MYO10: variants seen among roughly 807,000 people sequenced by gnomAD.
MYO10 encodes the protein unconventional myosin-X.
In MYO10, 133 loss-of-function variants were observed where a neutral mutation model predicts 257.3. The observed-to-expected ratio is 0.52, with a 90% CI of 0.45 to 0.60. The LOEUF is 0.60. Ranked by LOEUF, MYO10 falls within the 20% of genes least tolerant of loss-of-function variation. The pLI, the probability that MYO10 is intolerant of heterozygous loss-of-function variation, is 0.00. For missense variants in MYO10, 2,399 were observed against 2,635.7 expected, an observed-to-expected ratio of 0.91 and a Z score of 1.97; for synonymous variants, 1,104 against 1,028.6, an observed-to-expected ratio of 1.07 and a Z score of -1.40.
rs145953976 is a variant in MYO10 at position 16,696,011 on chromosome 5, T to TG, written c.3557-1398dup. Among the ~76,000 whole-genome samples the TG allele has an allele frequency of 9.9e-3, 1,507 of 152,356 alleles. 22 individuals are homozygous for TG. Among genetic ancestry groups the TG allele is most frequent in the African/African-American group, 0.034 (1,403 of 41,588 alleles). On this transcript the variant is annotated intron_variant, in intron 26 of 40. Coordinates refer to ENST00000513610, the MANE Select transcript of MYO10 (RefSeq NM_012334.3). ...AGTGTTTTGATTTGTGACTTTAATC[T>TG]GGGTTTCTCAAAACAAGCCTGGAGG...
rs111910542 is a variant in MYO10 at position 16,769,177 on chromosome 5, G to C, written c.957C>G (p.Ser319Arg). Residue 319 changes from serine (S) to arginine (R), a missense_variant, in exon 10 of 41, where the codon AGC (serine) becomes AGG (arginine). Transcript: ENST00000513610. ...TCGACACTTCCCGAACTTCCTCCTT[G>C]CTGAACTGCATCACGTCCATTGCCG... is the stretch of plus-strand genomic sequence containing the variant. ...VITAMDVMQFSKEEVREVSRL... is the reference protein window; with the variant it reads ...VITAMDVMQFRKEEVREVSRL... 1.2e-3 allele frequency: 1,923 copies of C among 1,611,146 alleles called. 2 individuals are homozygous for C. Among genetic ancestry groups the C allele is most frequent in the Non-Finnish European group, 1.3e-3 (1,560 of 1,178,894 alleles).
At chr5:16,820,832 ATACT>A (rs1235392090) in intron 2 of MYO10, among the ~76,000 whole-genome samples, 83 of 151,078 alleles carry the variant, frequency 5.5e-4, no homozygotes, top group African/African-American at 2.0e-3. Context: ...TAATATACAC[ATACT>A]TATTACATAT....
chr5:16,836,406 G>A (rs1391657600), intron 2 of MYO10, among the ~76,000 whole-genome samples: 1 of 152,172 alleles, frequency 6.6e-6, no homozygotes, highest in African/African-American at 2.4e-5. Context: ...ACCTCCAGTG[G>A]TTTGCATCTT....
intron 3 of MYO10, among the ~76,000 whole-genome samples, chr5:16,814,282 C>T (rs1367373197): frequency 6.6e-6 from 1 of 152,120 alleles, no homozygotes; most frequent in Non-Finnish European, 1.5e-5. Flanking sequence ...CCTAGGACTA[C>T]AGGCGCCCGC....
intron 11 of MYO10, among the ~76,000 whole-genome samples, chr5:16,764,720 G>C (rs1208596655): frequency 1.3e-5 from 2 of 152,040 alleles, no homozygotes; most frequent in Non-Finnish European, 2.9e-5. Flanking sequence ...ACGGAGTCTA[G>C]CTCTGTCACC....
Position 16,771,119 on chromosome 5 carries a change from A to G in MYO10, c.931-1916T>C, listed in dbSNP as rs551888270. Among the ~76,000 whole-genome samples the G allele has an allele frequency of 2.6e-5, 4 of 152,332 alleles. 1 individual carries two copies. The South Asian group carries it at 8.3e-4, about 32-fold the overall frequency. ...GCAATAATGGCAGGAAAGAAAAGGC[A>G]AACAATGGAGAGGGAAAGAATTAAA... On this transcript the variant is annotated intron_variant, in intron 9 of 40. Transcript: ENST00000513610.
Position 16,935,933 on chromosome 5 carries a change from C to A in MYO10, c.-125G>T. The A allele has an allele frequency of 8.4e-7, 1 of 1,185,822 alleles. No homozygotes were observed. Among genetic ancestry groups the A allele is most frequent in the Non-Finnish European group, 1.2e-6 (1 of 824,130 alleles). 73.5% of individuals were successfully genotyped at this position (1,185,822 alleles called of 1,614,324 possible). On this transcript the variant is annotated 5_prime_UTR_variant, in exon 1 of 41. Coordinates refer to ENST00000513610, the MANE Select transcript of MYO10 (RefSeq NM_012334.3). ...CCGAGGACGCGCGCCCGCGGGGCTC[C>A]CCTGCTGCCATCGCCCGGTCCCTTC...
intron 19 of MYO10, among the ~76,000 whole-genome samples, chr5:16,740,903 A>G (rs1361748359): frequency 6.6e-6 from 1 of 152,004 alleles, no homozygotes; most frequent in African/African-American, 2.4e-5. Flanking sequence ...AAAAAACCCA[A>G]CATTCTCATA....
chr5:16,735,276 T>C (rs756437000), intron 19 of MYO10, among the ~76,000 whole-genome samples: 43 of 152,126 alleles, frequency 2.8e-4, no homozygotes, highest in Non-Finnish European at 5.3e-4. Flanking sequence ...CTGGAATAGG[T>C]AGAAAAACGC....
intron 19 of MYO10, among the ~76,000 whole-genome samples, chr5:16,751,367 C>T (rs975535461): frequency 4.6e-5 from 7 of 152,188 alleles, no homozygotes; most frequent in Admixed American, 2.6e-4. Context: ...GAATGCTAAT[C>T]GAGCCATAGC....
chr5:16,761,845 T>C (rs780257333), intron 16 of MYO10, among the ~76,000 whole-genome samples, 200 bp downstream of exon 16: 4 of 151,784 alleles, frequency 2.6e-5, no homozygotes, highest in Admixed American at 6.6e-5. Context: ...AAGATGTTTT[T>C]TATATCTATG....
chr5:16,866,917 C>T (rs1744267339), intron 2 of MYO10, among the ~76,000 whole-genome samples: 1 of 152,196 alleles, frequency 6.6e-6, no homozygotes, highest in South Asian at 2.1e-4. Context: ...CTGGAGCTGC[C>T]CTCCCGGACC....
rs1053683818 is a variant in MYO10 at position 16,883,691 on chromosome 5, T to C, written c.22-5984A>G. ...ATTGACACACAAAGTTGCTGACCTCTGCTTTAAGATAAAGAGGATAGTATC... is the reference window on the plus strand; with the variant it reads ...ATTGACACACAAAGTTGCTGACCTCCGCTTTAAGATAAAGAGGATAGTATC... On this transcript the variant is annotated intron_variant, in intron 1 of 40. Transcript: ENST00000513610. 3.9e-5 allele frequency among the ~76,000 whole-genome samples: 6 copies of C among 152,358 alleles called. No individual in the cohort carries two copies. In the East Asian group the frequency reaches 5.8e-4, roughly 15 times the overall value.
intron 3 of MYO10, among the ~76,000 whole-genome samples, chr5:16,799,557 A>G (rs1454516841): frequency 2.0e-5 from 3 of 151,776 alleles, no homozygotes; most frequent in African/African-American, 7.3e-5. Flanking sequence ...CAGTGGCACA[A>G]TCTCGGCTCA....
At chr5:16,811,840 C>CA (rs1742450007) in intron 3 of MYO10, among the ~76,000 whole-genome samples, 1 of 152,172 alleles carries the variant, frequency 6.6e-6, no homozygotes, top group East Asian at 1.9e-4. Flanking sequence ...CATGAGCCAC[C>CA]ATGCCAGGCT....
At chr5:16,924,237 G>A (rs147819119) in intron 1 of MYO10, among the ~76,000 whole-genome samples, 1 of 152,306 alleles carries the variant, frequency 6.6e-6, no homozygotes, top group East Asian at 1.9e-4. Flanking sequence ...AATGGAGCAT[G>A]TGAATCAAGA....
Position 16,670,813 on chromosome 5 carries a change from G to A in MYO10, c.5596C>T (p.Gln1866Ter). 1 of 1,614,018 alleles carries A rather than the reference G, an allele frequency of 6.2e-7. No homozygotes were observed. The highest frequency in any genetic ancestry group is 8.5e-7 in the Non-Finnish European group (1 of 1,179,888). ...SLQRLKARISQSTKTFTPCER... is the reference protein window; with the variant it reads ...SLQRLKARIS ...CAAGGGGTGAAGGTTTTGGTTGACTGGCTGATGCGGGCCTTGAGTCTCTGC... is the reference window on the plus strand; with the variant it reads ...CAAGGGGTGAAGGTTTTGGTTGACTAGCTGATGCGGGCCTTGAGTCTCTGC... Residue 1866 changes from glutamine (Q) to a stop codon, truncating the protein, a stop_gained, in exon 39 of 41, where the codon CAG (glutamine) becomes TAG (stop). Coordinates refer to ENST00000513610, the MANE Select transcript of MYO10 (RefSeq NM_012334.3). LOFTEE classifies it high-confidence loss of function.
At chr5:16,876,917 T>C (rs1475245690) in intron 2 of MYO10, among the ~76,000 whole-genome samples, 1 of 152,140 alleles carries the variant, frequency 6.6e-6, no homozygotes, top group East Asian at 1.9e-4. Flanking sequence ...TCCCATGCAG[T>C]GCTGTTAGGG....
intron 32 of MYO10, among the ~76,000 whole-genome samples, 190 bp downstream of exon 32, chr5:16,681,119 G>A (rs1054367730): frequency 2.0e-5 from 3 of 152,032 alleles, no homozygotes; most frequent in South Asian, 2.1e-4. Context: ...TCCATGAATC[G>A]ACCTCTAGTA....
Sources: allele counts gnomAD v4.1 joint callset (sites outside exome capture counted in the v4.1 genomes callset), GRCh38; gene constraint gnomAD v4.1.1; transcripts MANE v1.5; gene names NCBI Gene and HGNC (gene_info 2026-07-23, HGNC 2026-07-21).